FHOD3: variants seen among roughly 807,000 people sequenced by gnomAD.
The protein encoded by FHOD3 is FH1/FH2 domain-containing protein 3.
FHOD3 carries 90 observed loss-of-function variants against 173.0 expected under a neutral mutation model. That is an observed-to-expected ratio of 0.52 (90% CI 0.44 to 0.62). FHOD3 has a LOEUF of 0.62. FHOD3 is among the 20% of genes least tolerant of loss of function. FHOD3 has a pLI of 0.00. For missense variants in FHOD3, 1,945 were observed against 2,034.7 expected (o/e 0.96, Z 0.85); for synonymous variants, 828 against 823.0 (o/e 1.01, Z -0.10).
At chr18:36,337,254 A>G (rs2045369733) in intron 1 of FHOD3, among the ~76,000 whole-genome samples, 1 of 152,114 alleles carries the variant, frequency 6.6e-6, no homozygotes. Context: ...GAACATTCCC[A>G]GAGTCTGTAC....
chr18:36,632,069 G>A (rs2034555152), intron 10 of FHOD3, among the ~76,000 whole-genome samples: 2 of 152,128 alleles, frequency 1.3e-5, no homozygotes, highest in Admixed American at 1.3e-4. Context: ...ACACGTTTGT[G>A]AGCATTAGCA....
At chr18:36,704,000 T>A (rs2039731185) in intron 17 of FHOD3, among the ~76,000 whole-genome samples, 1 of 152,182 alleles carries the variant, frequency 6.6e-6, no homozygotes, top group African/African-American at 2.4e-5. Flanking sequence ...TGTGTTCTGG[T>A]TATGGGTCCT....
intron 14 of FHOD3, among the ~76,000 whole-genome samples, chr18:36,665,585 G>A (rs987452128): frequency 6.6e-6 from 1 of 151,546 alleles, no homozygotes; most frequent in Non-Finnish European, 1.5e-5. Context: ...GCCTGGTGGG[G>A]GGGCAGGGAG....
intron 10 of FHOD3, among the ~76,000 whole-genome samples, chr18:36,639,237 G>A (rs1775796301): frequency 6.6e-6 from 1 of 152,180 alleles, no homozygotes; most frequent in Admixed American, 6.5e-5. Context: ...CAACTTCTGA[G>A]GGACATTTAA....
chr18:36,383,035 C>T (rs2047868420), intron 3 of FHOD3, among the ~76,000 whole-genome samples: 1 of 152,198 alleles, frequency 6.6e-6, no homozygotes, highest in Non-Finnish European at 1.5e-5. Context: ...TGGTCTGCCA[C>T]ACTTCCACGG....
chr18:36,533,535 C>A (rs1454780016), intron 5 of FHOD3, among the ~76,000 whole-genome samples: 2 of 152,190 alleles, frequency 1.3e-5, no homozygotes, highest in Non-Finnish European at 2.9e-5. Flanking sequence ...CTCAGAGGGG[C>A]CGGCTGCTGT....
intron 1 of FHOD3, among the ~76,000 whole-genome samples, chr18:36,308,460 T>G (rs1893354): frequency 1.3e-5 from 2 of 151,936 alleles, no homozygotes; most frequent in African/African-American, 2.4e-5. Context: ...AGACTGACAC[T>G]TGAACTCAGA....
In FHOD3 at chr18:36,609,942, A is replaced by G. The variant is rs553469552; in HGVS notation, c.814-2010A>G. Among the ~76,000 whole-genome samples the G allele has an allele frequency of 1.4e-4, 22 of 152,206 alleles. No individual in the cohort carries two copies. In the East Asian group the frequency reaches 3.9e-3, roughly 27 times the overall value. On this transcript the variant is annotated intron_variant, in intron 8 of 28. Transcript: ENST00000590592. ...TTACTTCTATAGTTCTCATTTTTAA[A>G]TTATTTACCAGTGATTCCCTCACCC...
chr18:36,538,893 T>C (rs1456369754), intron 5 of FHOD3, among the ~76,000 whole-genome samples: 2 of 152,214 alleles, frequency 1.3e-5, no homozygotes, highest in East Asian at 1.9e-4. Flanking sequence ...TAAAATGATA[T>C]GGAGCTATCC....
chr18:36,775,495 G>A (rs545500585), intron 28 of FHOD3, among the ~76,000 whole-genome samples: 1 of 152,080 alleles, frequency 6.6e-6, no homozygotes, highest in Non-Finnish European at 1.5e-5. Context: ...AGGTTCTCTG[G>A]TCCGGGTTTG....
In FHOD3 at chr18:36,740,857, A is replaced by G. The variant is rs759011301; in HGVS notation, c.3759+19A>G. On this transcript the variant is annotated intron_variant, in intron 21 of 28. Coordinates refer to ENST00000590592, the MANE Select transcript of FHOD3 (RefSeq NM_001281740.3). The stretch of plus-strand genomic sequence containing the variant: ...AGAAAAGGTAAGCTCTCTGTAAGAG[A>G]GGCCGCTGATCCCACATCCACAGTG... 1.9e-5 allele frequency: 30 copies of G among 1,599,602 alleles called. No homozygotes were observed. In the South Asian group the frequency reaches 3.4e-4, roughly 18 times the overall value.
chr18:36,531,562 G>GGGACA (rs1162153225), intron 5 of FHOD3, among the ~76,000 whole-genome samples: 2 of 152,174 alleles, frequency 1.3e-5, no homozygotes, highest in African/African-American at 4.8e-5. Flanking sequence ...CTCATCTGGA[G>GGGACA]GGACAGAATG....
At chr18:36,371,077 G>T (rs1023578743) in intron 2 of FHOD3, among the ~76,000 whole-genome samples, 2 of 152,200 alleles carry the variant, frequency 1.3e-5, no homozygotes, top group Non-Finnish European at 2.9e-5. Flanking sequence ...TTGGCTGCAA[G>T]CTTCTTGAGA....
In FHOD3 at chr18:36,744,189, C is replaced by G. The variant is rs1313029283; in HGVS notation, c.4037C>G (p.Ala1346Gly). The change falls in exon 23 of 29, where the codon GCC becomes GGC. Residue 1346 changes from alanine to glycine, a missense_variant. By Grantham distance (60) the Ala-to-Gly change is moderately conservative. Transcript: ENST00000590592. ...YSEIGAITRS[A>G]KVDFDQLQDN... ...GAGATCGGGGCCATCACCAGGTCAGCCAAGGTATGTCTGTGGACGCTGAGG... is the reference window on the plus strand; with the variant it reads ...GAGATCGGGGCCATCACCAGGTCAGGCAAGGTATGTCTGTGGACGCTGAGG... 1.2e-6 allele frequency: 2 copies of G among 1,612,992 alleles called. No individual in the cohort carries two copies. The highest frequency in any genetic ancestry group is 2.7e-5 in the African/African-American group (2 of 74,878).
At chr18:36,407,275 C>T (rs544763059) in intron 3 of FHOD3, among the ~76,000 whole-genome samples, 297 of 152,294 alleles carry the variant, frequency 2.0e-3, no homozygotes, top group African/African-American at 6.9e-3. Context: ...CAACCTGCAG[C>T]CATATTAAAA....
rs1219639993 is a variant in FHOD3, at chr18:36,747,070, G to A, written c.4167G>A (p.Glu1389=). 3.1e-6 allele frequency: 5 copies of A among 1,614,012 alleles called. No homozygotes were observed. The highest frequency in any genetic ancestry group is 4.2e-6 in the Non-Finnish European group (5 of 1,180,026). ...CAGTTTTAAAACAACGGATGTCAGAGTTCCTGAAAGACTGTGCAGAGCGAA... is the reference window on the plus strand; with the variant it reads ...CAGTTTTAAAACAACGGATGTCAGAATTCCTGAAAGACTGTGCAGAGCGAA... ...MKPVLKQRMS[E]FLKDCAERII... is the part of the protein sequence containing the mutation. Residue 1389 remains glutamate (E), a synonymous_variant, in exon 24 of 29, where the codon GAG becomes GAA. Transcript: ENST00000590592.
At chr18:36,694,991 G>C (rs549858884) in intron 17 of FHOD3, among the ~76,000 whole-genome samples, 45 of 151,356 alleles carry the variant, frequency 3.0e-4, no homozygotes, top group Admixed American at 1.3e-3. Context: ...GTGTGTGTGT[G>C]TGTGTGCGTG....
At chr18:36,694,856 A>G (rs2039168935) in intron 17 of FHOD3, among the ~76,000 whole-genome samples, 1 of 152,192 alleles carries the variant, frequency 6.6e-6, no homozygotes, top group South Asian at 2.1e-4. Context: ...GTTTGTGGCA[A>G]AAGATAATTT....
chr18:36,504,229 C>A (rs1482473966), intron 4 of FHOD3, among the ~76,000 whole-genome samples: 1 of 152,148 alleles, frequency 6.6e-6, no homozygotes, highest in Non-Finnish European at 1.5e-5. Flanking sequence ...CCTGGACCTA[C>A]AACTTCTATC....
Sources: gnomAD v4.1 joint callset for allele counts (sites outside exome capture counted in the v4.1 genomes callset) on GRCh38, gnomAD v4.1.1 for gene constraint, MANE v1.5 for transcripts, NCBI Gene and HGNC (gene_info 2026-07-23, HGNC 2026-07-21) for gene names.